PRAG1: variants seen among roughly 807,000 people sequenced by gnomAD.
PRAG1 encodes PEAK1 related, kinase-activating pseudokinase 1, also known as inactive tyrosine-protein kinase PRAG1.
A neutral mutation model predicts 95.6 loss-of-function variants in PRAG1; 110 were observed. The ratio of observed to expected loss-of-function variants is 1.15; its 90% CI spans 0.99 to 1.35. The LOEUF is 1.35. PRAG1 is among the 40% of genes most tolerant of loss of function. PRAG1 has a pLI of 0.00. For missense variants in PRAG1, 2,554 were observed against 1,864.7 expected (o/e 1.37, Z -6.81); for synonymous variants, 1,052 against 819.4 (o/e 1.28, Z -4.85).
chr8:8,380,960 C>G (rs950745113), intron 2 of PRAG1, among the ~76,000 whole-genome samples: 2 of 149,696 alleles, frequency 1.3e-5, no homozygotes, highest in Non-Finnish European at 3.0e-5. Context: ...GATGTGATAT[C>G]TGGGTTTGCT....
chr8:8,348,137 G>A (rs561073206), intron 3 of PRAG1, among the ~76,000 whole-genome samples: 6 of 152,236 alleles, frequency 3.9e-5, no homozygotes, highest in Admixed American at 1.3e-4. Context: ...GGCTGGTCCC[G>A]AACTCCTGAG....
chr8:8,319,351 C>T lies in PRAG1; in HGVS notation c.3073-49G>A, dbSNP rs529842853. 17 of 1,444,018 alleles carry T rather than the reference C, an allele frequency of 1.2e-5. 1 individual carries two copies. In the Admixed American group the frequency reaches 4.1e-4, roughly 35 times the overall value. 89.5% of individuals were successfully genotyped at this position (1,444,018 alleles called of 1,614,324 possible). ...ATCAAGAGTGGGGCCCATGGTTCCG[C>T]CCAGCAAAGAGTGTGGAAACATTTG... On this transcript the variant is annotated intron_variant, in intron 5 of 5. Transcript: ENST00000615670.
chr8:8,366,075 AG>A (rs1799993622), intron 3 of PRAG1, among the ~76,000 whole-genome samples: 1 of 152,218 alleles, frequency 6.6e-6, no homozygotes, highest in Non-Finnish European at 1.5e-5. Context: ...AGGTCTATAA[AG>A]GAAAATAATC....
chr8:8,336,497 G>C (rs1044990061), intron 4 of PRAG1, among the ~76,000 whole-genome samples: 1 of 152,186 alleles, frequency 6.6e-6, no homozygotes, highest in African/African-American at 2.4e-5. Flanking sequence ...GAGTTGACTG[G>C]CTGTTCAATT....
intron 3 of PRAG1, among the ~76,000 whole-genome samples, chr8:8,365,986 C>G (rs1799990286): frequency 1.3e-5 from 2 of 150,124 alleles, no homozygotes; most frequent in Admixed American, 6.6e-5. Context: ...TCAAAACAAA[C>G]AAACAAACAA....
intron 4 of PRAG1, among the ~76,000 whole-genome samples, chr8:8,333,937 G>C (rs1327126391): frequency 4.6e-5 from 7 of 152,212 alleles, no homozygotes; most frequent in African/African-American, 1.7e-4. Flanking sequence ...ATCTGCACGG[G>C]CACCTTGCCA....
rs1257811087 is a variant in PRAG1, at chr8:8,336,918, C to A, written c.2320+2560G>T. On this transcript the variant is annotated intron_variant, in intron 4 of 5. Coordinates refer to ENST00000615670, the MANE Select transcript of PRAG1 (RefSeq NM_001080826.3). Reference sequence around the variant, plus strand: ...CTCCCCACACCCCTTTCCCCCCTCCCCCCACCTCCGACATAAAGCATGAAT... The same window carrying A: ...CTCCCCACACCCCTTTCCCCCCTCCACCCACCTCCGACATAAAGCATGAAT... Among the ~76,000 whole-genome samples the A allele has an allele frequency of 9.6e-5, 14 of 146,440 alleles. 1 individual carries two copies. In the East Asian group the frequency reaches 2.3e-3, roughly 24 times the overall value.
intron 3 of PRAG1, among the ~76,000 whole-genome samples, chr8:8,350,729 G>A (rs927572749): frequency 6.6e-6 from 1 of 152,186 alleles, no homozygotes; most frequent in African/African-American, 2.4e-5. Context: ...AATGCTTACT[G>A]GCTGTGTGTT....
chr8:8,318,329 C>CCG lies in PRAG1; in HGVS notation c.4044_4045dup (p.Gly1349AlafsTer10). The CCG allele has an allele frequency of 6.2e-7, 1 of 1,614,128 alleles. No individual in the cohort carries two copies. Among genetic ancestry groups the CCG allele is most frequent in the Non-Finnish European group, 8.5e-7 (1 of 1,179,972 alleles). On this transcript the variant is annotated frameshift_variant, in exon 6 of 6. Transcript: ENST00000615670. LOFTEE classifies it high-confidence loss of function. This position sits in a 1 kb window ranked among gnomAD's most constrained non-coding sequence, Gnocchi z 4.2. Reference sequence around the variant, plus strand: ...CATGTCGATCCAGTTGTGCAGCGTGCCGCACAGCGCCTCCTCCGAGGTGCC... The same window carrying CCG: ...CATGTCGATCCAGTTGTGCAGCGTGCCGCGCACAGCGCCTCCTCCGAGGTGCC...
At chr8:8,360,842 C>A (rs894987382) in intron 3 of PRAG1, among the ~76,000 whole-genome samples, 6 of 152,118 alleles carry the variant, frequency 3.9e-5, no homozygotes, top group Admixed American at 6.6e-5. Context: ...TCCCTTAAAT[C>A]TTTCATATTA....
chr8:8,375,702 G>C (rs1463041632), intron 3 of PRAG1, among the ~76,000 whole-genome samples: 1 of 151,852 alleles, frequency 6.6e-6, no homozygotes, highest in Non-Finnish European at 1.5e-5. Flanking sequence ...ATTATTTAAA[G>C]AAAATAGAGA....
rs1800417682 is a variant in PRAG1 at position 8,376,780 on chromosome 8, G to A, written c.1629C>T (p.Ala543=). 6.2e-7 allele frequency: 1 copy of A among 1,610,958 alleles called. No individual in the cohort carries two copies. Among genetic ancestry groups the A allele is most frequent in the African/African-American group, 1.3e-5 (1 of 75,048 alleles). Residue 543 remains alanine, a synonymous_variant, in exon 3 of 6, where the codon GCC becomes GCT. Coordinates refer to ENST00000615670, the MANE Select transcript of PRAG1 (RefSeq NM_001080826.3). ...ASESKPKERP[A]IPPKLSKSSP... ...TACTCTTGGACAACTTGGGGGGAAT[G>A]GCGGGCCTCTCCTTGGGCTTGCTCT...
chr8:8,343,514 G>C (rs1377972513), intron 3 of PRAG1, among the ~76,000 whole-genome samples: 1 of 152,200 alleles, frequency 6.6e-6, no homozygotes, highest in Non-Finnish European at 1.5e-5. Flanking sequence ...AAAATACATA[G>C]AAAGGATTTG....
chr8:8,381,466 C>T lies in PRAG1; in HGVS notation c.282G>A (p.Glu94=), dbSNP rs1311675829. 16 of 1,614,110 alleles carry T rather than the reference C, an allele frequency of 9.9e-6. No individual in the cohort carries two copies. Among genetic ancestry groups the T allele is most frequent in the Non-Finnish European group, 1.4e-5 (16 of 1,180,044 alleles). ...IAVKPTMMSS[E]ASDVWTEANL... is the part of the protein sequence containing the mutation. Reference sequence around the variant, plus strand: ...TGGCCTCTGTCCACACATCAGAGGCCTCGGAGCTCATCATGGTGGGCTTCA... The same window carrying T: ...TGGCCTCTGTCCACACATCAGAGGCTTCGGAGCTCATCATGGTGGGCTTCA... Residue 94 remains glutamate, a synonymous_variant, in exon 2 of 6, where the codon GAG becomes GAA. Transcript: ENST00000615670.
At chr8:8,379,757 G>A (rs1261216437) in intron 2 of PRAG1, among the ~76,000 whole-genome samples, 1 of 152,212 alleles carries the variant, frequency 6.6e-6, no homozygotes, top group African/African-American at 2.4e-5. Flanking sequence ...GACAGCAGAT[G>A]CCAGCAGACC....
chr8:8,354,665 T>G (rs1302225365), intron 3 of PRAG1, among the ~76,000 whole-genome samples: 2 of 152,152 alleles, frequency 1.3e-5, no homozygotes, highest in African/African-American at 2.4e-5. Context: ...ATTAACAGAA[T>G]GAAAGATAGA....
At chr8:8,336,316 G>T (rs905879149) in intron 4 of PRAG1, among the ~76,000 whole-genome samples, 3 of 152,116 alleles carry the variant, frequency 2.0e-5, no homozygotes, top group African/African-American at 7.2e-5. Context: ...AAAGCAAAAA[G>T]GTCTCTTGAT....
intron 3 of PRAG1, among the ~76,000 whole-genome samples, chr8:8,370,482 C>T (rs2116916216): frequency 6.6e-6 from 1 of 152,338 alleles, no homozygotes. Context: ...AAATACAGTG[C>T]TTCCTAATAC....
At chr8:8,343,968 A>C (rs1316260264) in intron 3 of PRAG1, among the ~76,000 whole-genome samples, 2 of 152,138 alleles carry the variant, frequency 1.3e-5, no homozygotes, top group Non-Finnish European at 2.9e-5. Context: ...TATTTAACAT[A>C]ATGTATTCAA....
Sources: gnomAD v4.1 joint callset for allele counts (sites outside exome capture counted in the v4.1 genomes callset) on GRCh38, gnomAD v4.1.1 for gene constraint, Gnocchi (gnomAD v3.1) non-coding constraint, MANE v1.5 for transcripts, NCBI Gene and HGNC (gene_info 2026-07-23, HGNC 2026-07-21) for gene names.